The following CENPB variants were observed in gnomAD, a reference collection of about 807,000 sequenced individuals.
CENPB encodes the protein centromere protein B.
Under a neutral mutation model 41.9 loss-of-function variants are expected in CENPB, and 19 were observed. The observed-to-expected ratio is 0.45, with a 90% CI of 0.32 to 0.67. The LOEUF (loss-of-function observed/expected upper bound fraction) is 0.67. Among genes scored for constraint, CENPB ranks in the 30% least tolerant of loss-of-function variants. CENPB has a pLI of 0.04. For missense variants in CENPB, 614 were observed against 816.2 expected (o/e 0.75, Z 3.02); for synonymous variants, 399 against 354.4 (o/e 1.13, Z -1.41).
chr20:3,786,235 G>A lies in CENPB; in HGVS notation c.249C>T (p.Ala83=), dbSNP rs1460368253. Residue 83 remains alanine (A), a synonymous_variant, in exon 1 of 1, where the codon GCC becomes GCT. Transcript: ENST00000379751. ...PYDKLEGLLI[A]WFQQIRAAGL... is the part of the protein sequence containing the mutation. ...CGGCGGCGCGGATCTGCTGGAACCA[G>A]GCGATGAGCAAGCCCTCGAGCTTGT... 6.2e-7 allele frequency: 1 copy of A among 1,603,478 alleles called. No homozygotes were observed. Among genetic ancestry groups the A allele is most frequent in the Non-Finnish European group, 8.5e-7 (1 of 1,178,820 alleles).
At position 3,785,766 on chromosome 20, in the gene CENPB, G is replaced by C. The variant is rs1323093092; in HGVS notation, c.718C>G (p.Pro240Ala). 4 of 1,609,292 alleles carry C rather than the reference G, an allele frequency of 2.5e-6. No individual in the cohort carries two copies. Among genetic ancestry groups the C allele is most frequent in the Non-Finnish European group, 2.5e-6 (3 of 1,177,888 alleles). ...GCCGACTTGCCGGCCACCAGCGGGGGCAGCTTCTCGCTGCCGTCGGCATTG... is the reference window on the plus strand; with the variant it reads ...GCCGACTTGCCGGCCACCAGCGGGGCCAGCTTCTCGCTGCCGTCGGCATTG... ...CANADGSEKLPPLVAGKSAKP... is the reference protein window; with the variant it reads ...CANADGSEKLAPLVAGKSAKP... Residue 240 changes from proline (P) to alanine (A), a missense_variant, in exon 1 of 1, where the codon CCC (proline) becomes GCC (alanine). Physicochemically the swap from Pro to Ala is conservative, Grantham distance 27. Coordinates refer to ENST00000379751, the MANE Select transcript of CENPB (RefSeq NM_001810.6).
In CENPB at chr20:3,785,034, C is replaced by T. The variant is rs760780474; in HGVS notation, c.1450G>A (p.Gly484Ser). The T allele has an allele frequency of 6.2e-6, 10 of 1,613,936 alleles. No homozygotes were observed. The highest frequency in any genetic ancestry group is 2.2e-5 in the East Asian group (1 of 44,876). ...EDWAQGVVEAGGSFGAYGAQE... is the reference protein window; with the variant it reads ...EDWAQGVVEASGSFGAYGAQE... The stretch of plus-strand genomic sequence containing the variant: ...GCACCATAAGCCCCGAAGCTGCCAC[C>T]GGCCTCCACTACTCCCTGGGCCCAG... The change falls in exon 1 of 1, where the codon GGT (glycine) becomes AGT (serine). Residue 484 changes from glycine to serine, a missense_variant. Around this residue, in one of 2 missense-constraint regions of CENPB, gnomAD observed 537 missense variants for 629.4 expected, o/e 0.85. Transcript: ENST00000379751.
At position 3,785,413 on chromosome 20, in the gene CENPB, C is replaced by T; in HGVS notation, c.1071G>A (p.Leu357=). 6.3e-7 allele frequency: 1 copy of T among 1,597,260 alleles called. No homozygotes were observed. The highest frequency in any genetic ancestry group is 8.5e-7 in the Non-Finnish European group (1 of 1,172,436). ...AALEGQDPSG[L]QLGLTEALHF... is the part of the protein sequence containing the mutation. Reference sequence around the variant, plus strand: ...GCAGGGCCTCCGTGAGACCCAGCTGCAGGCCTGAGGGATCCTGGCCCTCTA... The same window carrying T: ...GCAGGGCCTCCGTGAGACCCAGCTGTAGGCCTGAGGGATCCTGGCCCTCTA... Residue 357 remains leucine, a synonymous_variant, in exon 1 of 1, where the codon CTG becomes CTA. Transcript: ENST00000379751.
chr20:3,786,571 G>C lies in CENPB; in HGVS notation c.-88C>G. 3.5e-6 allele frequency: 1 copy of C among 283,370 alleles called. No individual in the cohort carries two copies. The highest frequency in any genetic ancestry group is 5.2e-6 in the Non-Finnish European group (1 of 193,012). The allele number at this position is 283,370 out of a possible 1,614,324, so 17.6% of individuals were successfully genotyped here. On this transcript the variant is annotated 5_prime_UTR_variant, in exon 1 of 1. Transcript: ENST00000379751. ...GGCCCGTGGCGGGGGGCACCTGGCG[G>C]CCTCTCCCGCGCGCCCCGCCCGAGA...
In CENPB at chr20:3,784,521, G is replaced by T; in HGVS notation, c.*163C>A. 1.3e-6 allele frequency: 1 copy of T among 756,574 alleles called. No individual in the cohort carries two copies. Among genetic ancestry groups the T allele is most frequent in the Non-Finnish European group, 2.1e-6 (1 of 465,696 alleles). The allele number at this position is 756,574 out of a possible 1,614,324, so 46.9% of individuals were successfully genotyped here. ...AGGCAGTGAGGCTGACCTCAGCCCC[G>T]GGCCCGGCCGAGGTGACCGGGCCTG... is the stretch of plus-strand genomic sequence containing the variant. On this transcript the variant is annotated 3_prime_UTR_variant, in exon 1 of 1. Coordinates refer to ENST00000379751, the MANE Select transcript of CENPB (RefSeq NM_001810.6). This position sits in a 1 kb window ranked among gnomAD's most constrained non-coding sequence, Gnocchi z 5.2.
Position 3,786,223 on chromosome 20 carries a change from C to T in CENPB, c.261G>A (p.Gln87=). ...LEGLLIAWFQ[Q]IRAAGLPVKG... ...TGACCGGCAGGCCGGCGGCGCGGAT[C>T]TGCTGGAACCAGGCGATGAGCAAGC... is the stretch of plus-strand genomic sequence containing the variant. The change falls in exon 1 of 1, where the codon CAG becomes CAA. Residue 87 remains glutamine (Q), a synonymous_variant. Transcript: ENST00000379751. 1 of 1,602,410 alleles carries T rather than the reference C, an allele frequency of 6.2e-7. No individual in the cohort carries two copies. Among genetic ancestry groups the T allele is most frequent in the Non-Finnish European group, 8.5e-7 (1 of 1,178,940 alleles).
rs752768027 is a variant in CENPB at position 3,785,242 on chromosome 20, T to TTCTTCCTCCTCCTCCTCC, written c.1224_1241dup (p.Glu414_Glu419dup). The TTCTTCCTCCTCCTCCTCC allele has an allele frequency of 6.8e-6, 9 of 1,316,188 alleles. No individual in the cohort carries two copies. Among genetic ancestry groups the TTCTTCCTCCTCCTCCTCC allele is most frequent in the African/African-American group, 1.6e-5 (1 of 63,926 alleles). The allele number at this position is 1,316,188 out of a possible 1,614,324, so 81.5% of individuals were successfully genotyped here. A position where few individuals can be genotyped will look rare whatever the true frequency, so the allele number is the denominator to read the frequency against. Reference sequence around the variant, plus strand: ...CTCCTTCACCCTCTTCCTCCTCCTCTTCTTCCTCCTCCTCCTCCTCTTCCT... The same window carrying TTCTTCCTCCTCCTCCTCC: ...CTCCTTCACCCTCTTCCTCCTCCTCTTCTTCCTCCTCCTCCTCCTCTTCCTCCTCCTCCTCCTCTTCCT... On this transcript the variant is annotated inframe_insertion, in exon 1 of 1. Coordinates refer to ENST00000379751, the MANE Select transcript of CENPB (RefSeq NM_001810.6).
Position 3,785,585 on chromosome 20 carries a change from G to C in CENPB, c.899C>G (p.Ala300Gly). Residue 300 changes from alanine to glycine, a missense_variant, in exon 1 of 1, where the codon GCT becomes GGT. By Grantham distance (60) the Ala-to-Gly change is moderately conservative. This residue lies in a region of CENPB where 537 missense variants were observed against 629.4 expected (regional missense o/e 0.85). Transcript: ENST00000379751. ...RRVLLLAGRL[A>G]AQSLDTSGLR... is the part of the protein sequence containing the mutation. ...GCCCGAGGTGTCCAAGGACTGGGCAGCCAAGCGGCCGGCCAACAGCAGGAC... is the reference window on the plus strand; with the variant it reads ...GCCCGAGGTGTCCAAGGACTGGGCACCCAAGCGGCCGGCCAACAGCAGGAC... 2 of 1,600,866 alleles carry C rather than the reference G, an allele frequency of 1.2e-6. No homozygotes were observed. The highest frequency in any genetic ancestry group is 1.7e-6 in the Non-Finnish European group (2 of 1,174,238).
At position 3,784,934 on chromosome 20, in the gene CENPB, T is replaced by G; in HGVS notation, c.1550A>C (p.Glu517Ala). 6.2e-7 allele frequency: 1 copy of G among 1,613,860 alleles called. No individual in the cohort carries two copies. The highest frequency in any genetic ancestry group is 1.1e-5 in the South Asian group (1 of 91,070). The stretch of plus-strand genomic sequence containing the variant: ...TTCATCATCCTCTTCCTCATCGTCC[T>G]CTTCCTCACTGTCTGAATCAGAGTC... ...GEDSDSDSEEEDDEEEDDEDE... is the reference protein window; with the variant it reads ...GEDSDSDSEEADDEEEDDEDE... Residue 517 changes from glutamate to alanine, a missense_variant, in exon 1 of 1, where the codon GAG (glutamate) becomes GCG (alanine). By Grantham distance (107) the Glu-to-Ala change is moderately radical. Transcript: ENST00000379751. This position sits in a 1 kb window ranked among gnomAD's most constrained non-coding sequence, Gnocchi z 5.2.
In CENPB at chr20:3,784,879, ATCC is replaced by A. The variant is rs769665082; in HGVS notation, c.1602_1604del (p.Glu534del). On this transcript the variant is annotated inframe_deletion, in exon 1 of 1. Coordinates refer to ENST00000379751, the MANE Select transcript of CENPB (RefSeq NM_001810.6). The surrounding 1 kb of genome is among the most constrained non-coding windows in gnomAD (Gnocchi z 5.2). Reference sequence around the variant, plus strand: ...AGCTGGGTACAGGCACCTCATCACCATCCTCCTCATCATCATCGTCGTCTTCAT... The same window carrying A: ...AGCTGGGTACAGGCACCTCATCACCATCCTCATCATCATCGTCGTCTTCAT... The A allele has an allele frequency of 1.7e-4, 279 of 1,613,888 alleles. No homozygotes were observed. The highest frequency in any genetic ancestry group is 1.2e-3 in the African/African-American group (89 of 74,962).
chr20:3,784,440 C>T lies in CENPB; in HGVS notation c.*244G>A, dbSNP rs1791031460. 2 of 519,022 alleles carry T rather than the reference C, an allele frequency of 3.9e-6. No homozygotes were observed. 32.2% of individuals were successfully genotyped at this position (519,022 alleles called of 1,614,324 possible). A position where few individuals can be genotyped will look rare whatever the true frequency, so the allele number is the denominator to read the frequency against. On this transcript the variant is annotated 3_prime_UTR_variant, in exon 1 of 1. Coordinates refer to ENST00000379751, the MANE Select transcript of CENPB (RefSeq NM_001810.6). This position sits in a 1 kb window ranked among gnomAD's most constrained non-coding sequence, Gnocchi z 5.2. ...GCTCCCCACCCGCCCCACCTGGTCCCCTGAGCCCAGGGCCAAATGGGGAGG... is the reference window on the plus strand; with the variant it reads ...GCTCCCCACCCGCCCCACCTGGTCCTCTGAGCCCAGGGCCAAATGGGGAGG...
At position 3,784,573 on chromosome 20, in the gene CENPB, A is replaced by C; in HGVS notation, c.*111T>G. 7.7e-7 allele frequency: 1 copy of C among 1,306,812 alleles called. No individual in the cohort carries two copies. Among genetic ancestry groups the C allele is most frequent in the African/African-American group, 1.5e-5 (1 of 67,862 alleles). The allele number at this position is 1,306,812 out of a possible 1,614,324, so 81.0% of individuals were successfully genotyped here. A position where few individuals can be genotyped will look rare whatever the true frequency, so the allele number is the denominator to read the frequency against. ...TGCAGGACCAGGGGAAGCATTACTAAAGGATCTGGGGCTCTGCACTCTGGC... is the reference window on the plus strand; with the variant it reads ...TGCAGGACCAGGGGAAGCATTACTACAGGATCTGGGGCTCTGCACTCTGGC... On this transcript the variant is annotated 3_prime_UTR_variant, in exon 1 of 1. Coordinates refer to ENST00000379751, the MANE Select transcript of CENPB (RefSeq NM_001810.6). This position sits in a 1 kb window ranked among gnomAD's most constrained non-coding sequence, Gnocchi z 5.2.
chr20:3,786,123 C>T lies in CENPB; in HGVS notation c.361G>A (p.Gly121Ser). The T allele has an allele frequency of 6.3e-7, 1 of 1,596,654 alleles. No homozygotes were observed. The highest frequency in any genetic ancestry group is 8.5e-7 in the Non-Finnish European group (1 of 1,178,750). The part of the protein sequence containing the change: ...LGMDDFTASN[G>S]WLDRFRRRHG... ...CGCCGGCGGAAGCGGTCCAGCCAGC[C>T]GTTGGAGGCGGTGAAGTCGTCCATG... Residue 121 changes from glycine (G) to serine (S), a missense_variant, in exon 1 of 1, where the codon GGC (glycine) becomes AGC (serine). Physicochemically the swap from Gly to Ser is moderately conservative, Grantham distance 56. Coordinates refer to ENST00000379751, the MANE Select transcript of CENPB (RefSeq NM_001810.6).
At position 3,784,657 on chromosome 20, in the gene CENPB, G is replaced by T. The variant is rs188528517; in HGVS notation, c.*27C>A. ...CCCTGGGGTGGTGCTGCCAATCTAGGTTGGGGGCACAGCTAGGTCCAGTGA... is the reference window on the plus strand; with the variant it reads ...CCCTGGGGTGGTGCTGCCAATCTAGTTTGGGGGCACAGCTAGGTCCAGTGA... On this transcript the variant is annotated 3_prime_UTR_variant, in exon 1 of 1. Transcript: ENST00000379751. This position sits in a 1 kb window ranked among gnomAD's most constrained non-coding sequence, Gnocchi z 5.2. The T allele has an allele frequency of 1.9e-6, 3 of 1,611,430 alleles. No individual in the cohort carries two copies. The South Asian group carries it at 3.3e-5, about 18-fold the overall frequency.
chr20:3,785,238 C>G lies in CENPB; in HGVS notation c.1246G>C (p.Glu416Gln). 1 of 1,546,812 alleles carries G rather than the reference C, an allele frequency of 6.5e-7. No individual in the cohort carries two copies. The highest frequency in any genetic ancestry group is 8.7e-7 in the Non-Finnish European group (1 of 1,146,040). Residue 416 changes from glutamate (E) to glutamine (Q), a missense_variant, in exon 1 of 1, where the codon GAG becomes CAG. Coordinates refer to ENST00000379751, the MANE Select transcript of CENPB (RefSeq NM_001810.6). ...EEEEEEEEEE[E>Q]EEEGEGEEEE... ...TCCTCTCCTTCACCCTCTTCCTCCT[C>G]CTCTTCTTCCTCCTCCTCCTCCTCT... is the stretch of plus-strand genomic sequence containing the variant.
chr20:3,784,623 A>T lies in CENPB; in HGVS notation c.*61T>A. ...CTCCATGCACAGCGGGTGCCCAGAG[A>T]GTCCTCTGCCCTGGGGTGGTGCTGC... On this transcript the variant is annotated 3_prime_UTR_variant, in exon 1 of 1. Transcript: ENST00000379751. This position sits in a 1 kb window ranked among gnomAD's most constrained non-coding sequence, Gnocchi z 5.2. 3 of 1,563,962 alleles carry T rather than the reference A, an allele frequency of 1.9e-6. No homozygotes were observed. Among genetic ancestry groups the T allele is most frequent in the South Asian group, 1.2e-5 (1 of 85,700 alleles).
Position 3,786,367 on chromosome 20 carries a change from C to A in CENPB, c.117G>T (p.Pro39=), listed in dbSNP as rs759774207. 1 of 1,605,002 alleles carries A rather than the reference C, an allele frequency of 6.2e-7. No individual in the cohort carries two copies. The highest frequency in any genetic ancestry group is 2.2e-5 in the East Asian group (1 of 44,666). ...GEIARRFNIP[P]STLSTILKNK... ...TCTTCAGGATCGTGCTCAGCGTGGA[C>A]GGCGGGATGTTGAAGCGCCGCGCGA... Residue 39 remains proline (P), a synonymous_variant, in exon 1 of 1, where the codon CCG becomes CCT. Coordinates refer to ENST00000379751, the MANE Select transcript of CENPB (RefSeq NM_001810.6).
Position 3,784,888 on chromosome 20 carries a change from A to C in CENPB, c.1596T>G (p.Asp532Glu), listed in dbSNP as rs141704389. 1.1e-4 allele frequency: 175 copies of C among 1,613,488 alleles called. No homozygotes were observed. The highest frequency in any genetic ancestry group is 2.5e-4 in the African/African-American group (19 of 74,870). The change falls in exon 1 of 1, where the codon GAT (aspartate) becomes GAG (glutamate). Residue 532 changes from aspartate (D) to glutamate (E), a missense_variant. Physicochemically the swap from Asp to Glu is conservative, Grantham distance 45. Coordinates refer to ENST00000379751, the MANE Select transcript of CENPB (RefSeq NM_001810.6). This position sits in a 1 kb window ranked among gnomAD's most constrained non-coding sequence, Gnocchi z 5.2. Reference sequence around the variant, plus strand: ...CAGGCACCTCATCACCATCCTCCTCATCATCATCGTCGTCTTCATCTTCAT... The same window carrying C: ...CAGGCACCTCATCACCATCCTCCTCCTCATCATCGTCGTCTTCATCTTCAT... ...EDDEDEDDDDDEEDGDEVPVP... is the reference protein window; with the variant it reads ...EDDEDEDDDDEEEDGDEVPVP...
Position 3,784,346 on chromosome 20 carries a change from C to T in CENPB, c.*338G>A, listed in dbSNP as rs1435771935. On this transcript the variant is annotated 3_prime_UTR_variant, in exon 1 of 1. Transcript: ENST00000379751. The surrounding 1 kb of genome is among the most constrained non-coding windows in gnomAD (Gnocchi z 5.2). ...GGGAGAGGCACTCTCCGGCCGGGAA[C>T]CTCCAGGGCCCATCCCTGGCTGCTG... is the stretch of plus-strand genomic sequence containing the variant. 1 of 265,588 alleles carries T rather than the reference C, an allele frequency of 3.8e-6. No individual in the cohort carries two copies. The highest frequency in any genetic ancestry group is 7.3e-6 in the Non-Finnish European group (1 of 137,178). The allele number at this position is 265,588 out of a possible 1,614,324, so 16.5% of individuals were successfully genotyped here.
Sources: allele counts gnomAD v4.1 joint callset, GRCh38; gene constraint gnomAD v4.1.1; regional missense constraint gnomAD v4.1.1; non-coding constraint Gnocchi (gnomAD v3.1); transcripts MANE v1.5; gene names NCBI Gene and HGNC (gene_info 2026-07-23, HGNC 2026-07-21).